Variants in NPR3 observed in about 807,000 individuals in gnomAD.
NPR3 encodes the protein atrial natriuretic peptide receptor 3.
A neutral mutation model predicts 54.5 loss-of-function variants in NPR3; 34 were observed. That is an observed-to-expected ratio of 0.62 (90% confidence interval 0.47 to 0.83). The LOEUF (loss-of-function observed/expected upper bound fraction) is 0.83, where lower values mean the gene tolerates loss of function less well. Among genes scored for constraint, NPR3 ranks in the 40% least tolerant of loss-of-function variants. The pLI is 0.00. For missense variants in NPR3, 674 were observed against 720.8 expected (o/e 0.94, Z 0.74); for synonymous variants, 289 against 297.1 (o/e 0.97, Z 0.28).
chr5:32,695,292 C>CCTCG (rs1267873878), intron 1 of NPR3, among the ~76,000 whole-genome samples: 2 of 151,956 alleles, frequency 1.3e-5, no homozygotes, highest in African/African-American at 4.8e-5. Context: ...TGAGACGGAG[C>CCTCG]CTCGCTCTGT....
At chr5:32,735,997 G>A (rs531547520) in intron 2 of NPR3, among the ~76,000 whole-genome samples, 6 of 152,196 alleles carry the variant, frequency 3.9e-5, no homozygotes, top group Non-Finnish European at 7.4e-5. Context: ...TTGGGAGGCC[G>A]AGGCAGGTGG....
chr5:32,716,017 A>G, intron 1 of NPR3, among the ~76,000 whole-genome samples: 1 of 152,202 alleles, frequency 6.6e-6, no homozygotes, highest in Non-Finnish European at 1.5e-5. Context: ...TAAGTGTAAA[A>G]TAACTAACAC....
At position 32,711,664 on chromosome 5, in the gene NPR3, G is replaced by T. The variant is rs1248642457; in HGVS notation, c.-113G>T. The stretch of plus-strand genomic sequence containing the variant: ...AGGGGGTATTCTATTTTGTTAAAGC[G>T]CCCAAGGGGGCGCAGGGACCTTGGA... On this transcript the variant is annotated 5_prime_UTR_variant, in exon 1 of 8. Coordinates refer to ENST00000265074, the MANE Select transcript of NPR3 (RefSeq NM_001204375.2). The T allele has an allele frequency of 2.4e-5, 31 of 1,309,070 alleles. No homozygotes were observed. The highest frequency in any genetic ancestry group is 3.0e-5 in the Non-Finnish European group (31 of 1,033,452). 81.1% of individuals were successfully genotyped at this position (1,309,070 alleles called of 1,614,324 possible).
intron 2 of NPR3, among the ~76,000 whole-genome samples, chr5:32,729,026 T>TTG (rs1198809191): frequency 2.1e-5 from 2 of 96,000 alleles, no homozygotes; most frequent in African/African-American, 1.0e-4. Context: ...TTTTTTTTTT[T>TTG]TTTGTTTTGT....
intron 3 of NPR3, among the ~76,000 whole-genome samples, chr5:32,755,139 C>T (rs1374035562): frequency 6.6e-6 from 1 of 152,222 alleles, no homozygotes; most frequent in Non-Finnish European, 1.5e-5. Context: ...GGATTACAGG[C>T]GTGAGCCACC....
intron 2 of NPR3, among the ~76,000 whole-genome samples, chr5:32,729,320 A>C (rs576197580): frequency 1.5e-4 from 23 of 152,020 alleles, no homozygotes; most frequent in African/African-American, 5.1e-4. Context: ...TGAGCCACCG[A>C]GCCCGGCCTG....
At position 32,771,541 on chromosome 5, in the gene NPR3, G is replaced by A. The variant is rs556851692; in HGVS notation, c.1060-3167G>A. Reference sequence around the variant, plus strand: ...CTCAGAGGGCATGTCAAGAAGGAAGGAAGGGGAAGGGCTATACAGGATATG... The same window carrying A: ...CTCAGAGGGCATGTCAAGAAGGAAGAAAGGGGAAGGGCTATACAGGATATG... On this transcript the variant is annotated intron_variant, in intron 3 of 7. Transcript: ENST00000265074. Among the ~76,000 whole-genome samples, 8 of 152,300 alleles carry A rather than the reference G, an allele frequency of 5.3e-5. No individual in the cohort carries two copies. In the South Asian group the frequency reaches 1.7e-3, roughly 32 times the overall value.
rs1049330301 is a variant in NPR3 at position 32,791,070 on chromosome 5, G to A, written c.*4725G>A. On this transcript the variant is annotated 3_prime_UTR_variant, in exon 8 of 8. Transcript: ENST00000265074. ...TGTCACGGTGCATGATAGTTGGACAGAGATGGCTAAAAAAGAGGCAAATTC... is the reference window on the plus strand; with the variant it reads ...TGTCACGGTGCATGATAGTTGGACAAAGATGGCTAAAAAAGAGGCAAATTC... The A allele has an allele frequency of 6.0e-6, 1 of 167,106 alleles. No individual in the cohort carries two copies. Among genetic ancestry groups the A allele is most frequent in the Non-Finnish European group, 1.5e-5 (1 of 68,120 alleles). The allele number at this position is 167,106 out of a possible 1,614,324, so 10.4% of individuals were successfully genotyped here.
At chr5:32,765,358 AC>A (rs1741396373) in intron 3 of NPR3, among the ~76,000 whole-genome samples, 2 of 152,174 alleles carry the variant, frequency 1.3e-5, no homozygotes, top group Non-Finnish European at 2.9e-5. Context: ...GAACCTATTT[AC>A]CCCAATTTTA....
At chr5:32,784,749 A>G (rs1554020089) in intron 6 of NPR3, 47 bp from the exon 7 acceptor site, 1 of 1,450,456 alleles carries the variant, frequency 6.9e-7, no homozygotes, top group South Asian at 1.1e-5. Context: ...AGGCATTTCT[A>G]ACTGTATCTC....
At chr5:32,726,270 C>T (rs992336806) in intron 2 of NPR3, among the ~76,000 whole-genome samples, 1 of 152,180 alleles carries the variant, frequency 6.6e-6, no homozygotes, top group Non-Finnish European at 1.5e-5. Flanking sequence ...TGGAGCAGTA[C>T]ATCATTGTGC....
intron 5 of NPR3, among the ~76,000 whole-genome samples, chr5:32,782,636 C>T (rs1014103501): frequency 1.3e-5 from 2 of 152,140 alleles, no homozygotes; most frequent in South Asian, 2.1e-4. Flanking sequence ...GCACCATCAG[C>T]GACTTCAAAT....
chr5:32,753,549 A>C (rs1387240935), intron 3 of NPR3, among the ~76,000 whole-genome samples: 1 of 151,874 alleles, frequency 6.6e-6, no homozygotes. Flanking sequence ...AGAGGATAAA[A>C]GCTCAGAATT....
chr5:32,754,271 C>T (rs933829523), intron 3 of NPR3, among the ~76,000 whole-genome samples: 2 of 152,076 alleles, frequency 1.3e-5, no homozygotes, highest in Non-Finnish European at 2.9e-5. Context: ...ACCTCGTGTG[C>T]CAGAGACTTT....
At chr5:32,738,343 T>G (rs539472125) in intron 2 of NPR3, among the ~76,000 whole-genome samples, 9 of 151,962 alleles carry the variant, frequency 5.9e-5, no homozygotes, top group African/African-American at 2.2e-4. Context: ...TGTGTCTATG[T>G]GTTCTCATTG....
chr5:32,747,262 G>T (rs1740349183), intron 3 of NPR3, among the ~76,000 whole-genome samples: 1 of 152,128 alleles, frequency 6.6e-6, no homozygotes, highest in Non-Finnish European at 1.5e-5. Context: ...AGTGGAAAAA[G>T]ATTTAGCTAG....
upstream of NPR3, chr5:32,710,443 C>G (rs1738148491): frequency 2.6e-6 from 1 of 382,616 alleles, no homozygotes; most frequent in Non-Finnish European, 4.5e-6. Flanking sequence ...CTTTGTGACA[C>G]CTCCAGAAGT....
chr5:32,763,352 G>T (rs545984750), intron 3 of NPR3, among the ~76,000 whole-genome samples: 18 of 151,930 alleles, frequency 1.2e-4, no homozygotes, highest in Non-Finnish European at 2.1e-4. Context: ...TTGCTCTGTT[G>T]CCCAGGCTAG....
In NPR3 at chr5:32,786,360, T is replaced by A. The variant is rs768233912; in HGVS notation, c.*15T>A. On this transcript the variant is annotated 3_prime_UTR_variant, in exon 8 of 8. Transcript: ENST00000265074. ...CAGTAGCTTAAAGGAAGCCCCCCACTTTTTTTTTTTCTGCCTGAGATTCTT... is the reference window on the plus strand; with the variant it reads ...CAGTAGCTTAAAGGAAGCCCCCCACATTTTTTTTTTCTGCCTGAGATTCTT... 3.6e-6 allele frequency: 3 copies of A among 834,116 alleles called. No individual in the cohort carries two copies. Among genetic ancestry groups the A allele is most frequent in the African/African-American group, 3.7e-5 (2 of 54,568 alleles). 51.7% of individuals were successfully genotyped at this position (834,116 alleles called of 1,614,324 possible). A position where few individuals can be genotyped will look rare whatever the true frequency, so the allele number is the denominator to read the frequency against.
Sources: allele counts gnomAD v4.1 joint callset (sites outside exome capture counted in the v4.1 genomes callset), GRCh38; gene constraint gnomAD v4.1.1; transcripts MANE v1.5; gene names NCBI Gene and HGNC (gene_info 2026-07-23, HGNC 2026-07-21).